The following TAFA5 variants were observed in gnomAD, a reference collection of about 807,000 sequenced individuals.
TAFA5 encodes TAFA chemokine like family member 5, also known as chemokine-like protein TAFA-5.
A neutral mutation model predicts 15.3 loss-of-function variants in TAFA5; 6 were observed. The observed-to-expected ratio is 0.39, with a 90% CI of 0.21 to 0.77. TAFA5 has a LOEUF of 0.77. Ranked by LOEUF, TAFA5 falls within the 30% of genes least tolerant of loss-of-function variation. The pLI is 0.41. For missense variants in TAFA5, 161 were observed against 193.1 expected (o/e 0.83, Z 0.98); for synonymous variants, 103 against 80.7 (o/e 1.28, Z -1.48).
At chr22:48,551,412 C>G (rs1417084227) in intron 1 of TAFA5, among the ~76,000 whole-genome samples, 1 of 152,198 alleles carries the variant, frequency 6.6e-6, no homozygotes, top group African/African-American at 2.4e-5. Flanking sequence ...CTCCTCTCAC[C>G]TCCTGGGCAA....
chr22:48,618,820 G>T (rs1209760171), intron 1 of TAFA5, among the ~76,000 whole-genome samples: 1 of 152,172 alleles, frequency 6.6e-6, no homozygotes, highest in African/African-American at 2.4e-5. Context: ...TCTTCGTGAG[G>T]CTGCTTCACA....
At chr22:48,652,693 C>T (rs977348889) in intron 2 of TAFA5, among the ~76,000 whole-genome samples, 3 of 152,218 alleles carry the variant, frequency 2.0e-5, no homozygotes, top group Admixed American at 6.5e-5. Context: ...TTGCTCTGGG[C>T]TGTTTACTGG....
At chr22:48,676,953 C>A (rs76669179) in intron 2 of TAFA5, among the ~76,000 whole-genome samples, 2,618 of 152,286 alleles carry the variant, frequency 0.017, 77 homozygotes, top group African/African-American at 0.059. Context: ...CTGTCATTAC[C>A]ACTGGGCTCC....
intron 2 of TAFA5, among the ~76,000 whole-genome samples, chr22:48,653,351 C>T (rs924120755): frequency 7.9e-5 from 12 of 152,262 alleles, no homozygotes; most frequent in South Asian, 4.1e-4. Flanking sequence ...TTCCCTAGGA[C>T]GTGGATGTGA....
At chr22:48,563,953 T>C (rs1408743687) in intron 1 of TAFA5, among the ~76,000 whole-genome samples, 2 of 152,168 alleles carry the variant, frequency 1.3e-5, no homozygotes, top group Admixed American at 6.5e-5. Context: ...CCGACGATGC[T>C]GTAGAAGGAG....
At chr22:48,579,372 C>T (rs554161324) in intron 1 of TAFA5, among the ~76,000 whole-genome samples, 1 of 152,326 alleles carries the variant, frequency 6.6e-6, no homozygotes, top group East Asian at 1.9e-4. Flanking sequence ...ATCCTTAGGA[C>T]ACGCTGACCC....
At chr22:48,663,578 T>C (rs530966023) in intron 2 of TAFA5, among the ~76,000 whole-genome samples, 5 of 152,390 alleles carry the variant, frequency 3.3e-5, no homozygotes, top group African/African-American at 1.2e-4. Context: ...CATTGCTTTC[T>C]GTGGTTTCAG....
At chr22:48,639,286 C>T (rs1026898424) in intron 1 of TAFA5, among the ~76,000 whole-genome samples, 1 of 152,234 alleles carries the variant, frequency 6.6e-6, no homozygotes, top group Non-Finnish European at 1.5e-5. Flanking sequence ...TGCCCTCAGG[C>T]CTGCGGGGCC....
At chr22:48,668,383 T>C (rs112281294) in intron 2 of TAFA5, among the ~76,000 whole-genome samples, 13 of 18,442 alleles carry the variant, frequency 7.0e-4, no homozygotes, top group Non-Finnish European at 4.8e-4. Context: ...GCGTCTTCAC[T>C]GGGAGCTGTA....
intron 1 of TAFA5, among the ~76,000 whole-genome samples, chr22:48,551,819 C>T (rs903318031): frequency 2.6e-5 from 4 of 152,248 alleles, no homozygotes; most frequent in African/African-American, 9.6e-5. Context: ...GCCCCGCCCG[C>T]TCCCCTGGCT....
At chr22:48,723,524 G>C (rs760013049) in intron 3 of TAFA5, among the ~76,000 whole-genome samples, 5 of 152,180 alleles carry the variant, frequency 3.3e-5, no homozygotes, top group African/African-American at 4.8e-5. Flanking sequence ...CTTTGGGCAT[G>C]ATTGAACCAC....
chr22:48,558,444 T>G (rs2147130637), intron 1 of TAFA5, among the ~76,000 whole-genome samples: 1 of 152,310 alleles, frequency 6.6e-6, no homozygotes, highest in Non-Finnish European at 1.5e-5. Flanking sequence ...CATAATCATT[T>G]GCATTTTCAA....
At chr22:48,630,072 G>A (rs35116602) in intron 1 of TAFA5, among the ~76,000 whole-genome samples, 1,588 of 152,326 alleles carry the variant, frequency 0.01, 24 homozygotes, top group Non-Finnish European at 0.017. Context: ...CCTGACTGGG[G>A]TCGGGGCGGG....
chr22:48,705,644 T>A (rs1929054699), intron 2 of TAFA5, among the ~76,000 whole-genome samples: 1 of 152,200 alleles, frequency 6.6e-6, no homozygotes, highest in Admixed American at 6.5e-5. Context: ...TGTTAAAAAT[T>A]ATTCAGAATT....
chr22:48,657,446 C>A (rs1336534686), intron 2 of TAFA5, among the ~76,000 whole-genome samples: 1 of 152,172 alleles, frequency 6.6e-6, no homozygotes, highest in Non-Finnish European at 1.5e-5. Flanking sequence ...TTGGTCCAAA[C>A]GCTTAAAGAA....
At chr22:48,515,281 G>A (rs1027498710) in intron 1 of TAFA5, among the ~76,000 whole-genome samples, 117 of 152,218 alleles carry the variant, frequency 7.7e-4, no homozygotes, top group African/African-American at 2.6e-3. Context: ...ACTCAGATAA[G>A]CAGGTGCAGA....
At chr22:48,743,134 C>T (rs918961885) in intron 3 of TAFA5, among the ~76,000 whole-genome samples, 6 of 152,216 alleles carry the variant, frequency 3.9e-5, no homozygotes, top group African/African-American at 1.2e-4. Flanking sequence ...TGGGTCCAGA[C>T]GTCTGTGGTC....
chr22:48,605,542 A>G (rs1477854467), intron 1 of TAFA5, among the ~76,000 whole-genome samples: 1 of 151,922 alleles, frequency 6.6e-6, no homozygotes, highest in African/African-American at 2.4e-5. Context: ...CTACTTTTTT[A>G]TGTCTTACTG....
At chr22:48,637,177 G>A (rs929089659) in intron 1 of TAFA5, among the ~76,000 whole-genome samples, 39 of 152,210 alleles carry the variant, frequency 2.6e-4, no homozygotes, top group African/African-American at 9.4e-4. Context: ...GGGGATGCCT[G>A]TGGGGGCCTC....
Sources: gnomAD v4.1 joint callset for allele counts (sites outside exome capture counted in the v4.1 genomes callset) on GRCh38, gnomAD v4.1.1 for gene constraint, MANE v1.5 for transcripts, NCBI Gene and HGNC (gene_info 2026-07-23, HGNC 2026-07-21) for gene names.